The following MYO18B variants were observed in gnomAD, a reference collection of about 807,000 sequenced individuals.
The protein encoded by MYO18B is unconventional myosin-XVIIIb.
In MYO18B, 204 loss-of-function variants were observed where a neutral mutation model predicts 273.0. The ratio of observed to expected loss-of-function variants is 0.75; its 90% confidence interval spans 0.67 to 0.84. MYO18B has a LOEUF of 0.84. MYO18B is among the 40% of genes least tolerant of loss of function. The pLI is 0.00. For missense variants in MYO18B, 3,212 were observed against 3,287.6 expected, an observed-to-expected ratio of 0.98 and a Z score of 0.56; for synonymous variants, 1,330 against 1,305.7, an observed-to-expected ratio of 1.02 and a Z score of -0.40.
intron 35 of MYO18B, among the ~76,000 whole-genome samples, chr22:25,946,919 C>T (rs1313331789): frequency 6.6e-6 from 1 of 152,108 alleles, no homozygotes; most frequent in African/African-American, 2.4e-5. Flanking sequence ...CATATATTGT[C>T]GATGTATTAT....
In MYO18B at chr22:26,030,795, G is replaced by T; in HGVS notation, c.*365G>T. On this transcript the variant is annotated 3_prime_UTR_variant, in exon 44 of 44. Coordinates refer to ENST00000335473, the MANE Select transcript of MYO18B (RefSeq NM_032608.7). ...CTCTTCCTACATGTCTACATGCCAT[G>T]ACCTTCCTCCTCCTCTTCACTTGGC... The T allele has an allele frequency of 2.5e-6, 1 of 396,892 alleles. No individual in the cohort carries two copies. The highest frequency in any genetic ancestry group is 1.4e-4 in the South Asian group (1 of 7,260). The allele number at this position is 396,892 out of a possible 1,614,324, so 24.6% of individuals were successfully genotyped here. A position where few individuals can be genotyped will look rare whatever the true frequency, so the allele number is the denominator to read the frequency against.
At chr22:26,032,407 T>C (rs982623057), downstream of MYO18B, among the ~76,000 whole-genome samples, 7 of 152,296 alleles carry the variant, frequency 4.6e-5, no homozygotes, top group African/African-American at 1.7e-4. Flanking sequence ...ATGGTCTTTC[T>C]TCTGTGTGGC....
chr22:25,828,655 A>G, intron 14 of MYO18B, 121 bp from the exon 15 acceptor site: 1 of 888,718 alleles, frequency 1.1e-6, no homozygotes, highest in Non-Finnish European at 1.7e-6. Context: ...AGCTTGCCTG[A>G]GGTCACACAG....
rs1028072790 is a variant in MYO18B at position 25,985,275 on chromosome 22, T to C, written c.6157-7088T>C. Among the ~76,000 whole-genome samples, 6 of 152,206 alleles carry C rather than the reference T, an allele frequency of 3.9e-5. 1 individual carries two copies. Among genetic ancestry groups the C allele is most frequent in the African/African-American group, 1.4e-4 (6 of 41,544 alleles). On this transcript the variant is annotated intron_variant, in intron 39 of 43. Coordinates refer to ENST00000335473, the MANE Select transcript of MYO18B (RefSeq NM_032608.7). ...GTTTGGGGGGCTGAGGCAGGAGAAT[T>C]GCTTGAACCTGGGAGGCAGCGGTTG...
intron 42 of MYO18B, among the ~76,000 whole-genome samples, chr22:26,025,885 T>A (rs1346431505): frequency 6.6e-6 from 1 of 152,172 alleles, no homozygotes; most frequent in Non-Finnish European, 1.5e-5. Context: ...ATAGTCTTGG[T>A]TTTAAGTTGA....
At chr22:25,869,063 G>T (rs2090972410) in intron 22 of MYO18B, among the ~76,000 whole-genome samples, 1 of 152,146 alleles carries the variant, frequency 6.6e-6, no homozygotes, top group Admixed American at 6.5e-5. Context: ...TGGAGCTAGT[G>T]TTCCATGGAT....
chr22:25,992,791 TA>T lies in MYO18B; in HGVS notation c.6287+300del, dbSNP rs2093283724. 2.0e-5 allele frequency among the ~76,000 whole-genome samples: 3 copies of T among 152,348 alleles called. 1 individual carries two copies. In the South Asian group the frequency reaches 6.2e-4, roughly 32 times the overall value. The stretch of plus-strand genomic sequence containing the variant: ...ACAAGTTCCATGTCCAATCTTGGCC[TA>T]ATTCTCTCATCTGTAAAATGGGCAT... On this transcript the variant is annotated intron_variant, in intron 40 of 43. Transcript: ENST00000335473.
chr22:26,018,435 G>T (rs1456411816), intron 42 of MYO18B, among the ~76,000 whole-genome samples: 1 of 152,030 alleles, frequency 6.6e-6, no homozygotes, highest in Non-Finnish European at 1.5e-5. Flanking sequence ...TCCTTGCTTT[G>T]AACTTCCCTC....
At chr22:25,743,548 G>A (rs542909283) in intron 1 of MYO18B, among the ~76,000 whole-genome samples, 1 of 151,928 alleles carries the variant, frequency 6.6e-6, no homozygotes, top group East Asian at 1.9e-4. Context: ...GAAGAAGGAG[G>A]AGAAGAATAA....
At chr22:25,825,909 A>T (rs978964643) in intron 13 of MYO18B, among the ~76,000 whole-genome samples, 2 of 152,230 alleles carry the variant, frequency 1.3e-5, no homozygotes, top group African/African-American at 4.8e-5. Flanking sequence ...CTCCAGAAAA[A>T]GGGAATCATA....
intron 17 of MYO18B, among the ~76,000 whole-genome samples, chr22:25,843,013 A>ATTATCTCC (rs2145993040): frequency 6.6e-6 from 1 of 152,280 alleles, no homozygotes; most frequent in Non-Finnish European, 1.5e-5. Context: ...TTTTACATAC[A>ATTATCTCC]TTATCTCCTT....
At chr22:26,021,116 G>T (rs114964102) in intron 42 of MYO18B, among the ~76,000 whole-genome samples, 2 of 152,096 alleles carry the variant, frequency 1.3e-5, no homozygotes, top group Non-Finnish European at 2.9e-5. Context: ...AAAAATACCT[G>T]GCTTGGAATA....
In MYO18B at chr22:25,820,141, A is replaced by G. The variant is rs200903751; in HGVS notation, c.2522-3364A>G. ...CTCCATCATTTTTTAAAGTGACAGG[A>G]TTTTTAAAAATTAGCCATGTTACCT... is the stretch of plus-strand genomic sequence containing the variant. On this transcript the variant is annotated intron_variant, in intron 12 of 43. Transcript: ENST00000335473. Among the ~76,000 whole-genome samples, 24 of 148,514 alleles carry G rather than the reference A, an allele frequency of 1.6e-4. No homozygotes were observed. The East Asian group carries it at 3.0e-3, about 18-fold the overall frequency.
At chr22:25,881,691 G>T (rs534710102) in intron 25 of MYO18B, among the ~76,000 whole-genome samples, 4 of 152,320 alleles carry the variant, frequency 2.6e-5, no homozygotes, top group Admixed American at 6.5e-5. Context: ...AAGGAAGGGT[G>T]GGGGCTCAGG....
At chr22:25,972,169 A>G (rs2093042481) in intron 39 of MYO18B, among the ~76,000 whole-genome samples, 1 of 151,454 alleles carries the variant, frequency 6.6e-6, no homozygotes, top group East Asian at 1.9e-4. Context: ...TTATATTTAT[A>G]TATGACTCAC....
intron 12 of MYO18B, among the ~76,000 whole-genome samples, chr22:25,809,176 C>G (rs1015149642): frequency 6.6e-6 from 1 of 152,124 alleles, no homozygotes; most frequent in Non-Finnish European, 1.5e-5. Flanking sequence ...AACTCCTGAC[C>G]TCATGATCCA....
intron 11 of MYO18B, among the ~76,000 whole-genome samples, chr22:25,792,994 T>C (rs964092535): frequency 2.6e-5 from 4 of 152,146 alleles, no homozygotes; most frequent in Non-Finnish European, 4.4e-5. Context: ...GAGGGCAGGG[T>C]CATACCCGAT....
At chr22:26,002,985 G>T (rs1400764985) in intron 40 of MYO18B, among the ~76,000 whole-genome samples, 1 of 152,098 alleles carries the variant, frequency 6.6e-6, no homozygotes, top group Non-Finnish European at 1.5e-5. Flanking sequence ...AGCGGTAATG[G>T]TTGCTACCAC....
chr22:26,052,189 C>T, the MYO18B span, among the ~76,000 whole-genome samples: 5 of 152,294 alleles, frequency 3.3e-5, 1 homozygote, highest in Admixed American at 3.3e-4. Context: ...TAAACCTCCC[C>T]AGTGTCTGTT....
Sources: allele counts gnomAD v4.1 joint callset (sites outside exome capture counted in the v4.1 genomes callset), GRCh38; gene constraint gnomAD v4.1.1; transcripts MANE v1.5; gene names NCBI Gene and HGNC (gene_info 2026-07-23, HGNC 2026-07-21).